Variants in ACOXL observed in about 807,000 individuals in gnomAD.
ACOXL encodes the protein acyl-coenzyme A oxidase-like protein.
A neutral mutation model predicts 71.9 loss-of-function variants in ACOXL; 70 were observed. That is an observed-to-expected ratio of 0.97 (90% confidence interval 0.80 to 1.19). The LOEUF (loss-of-function observed/expected upper bound fraction) is 1.19. Among genes scored for constraint, ACOXL ranks in the 50% most tolerant of loss-of-function variants. ACOXL has a pLI of 0.00. For synonymous variants in ACOXL, 253 were observed against 281.6 expected (o/e 0.90, Z 1.02); for missense variants, 703 against 736.3 (o/e 0.95, Z 0.52).
chr2:110,979,312 G>A (rs2062601104), intron 12 of ACOXL, among the ~76,000 whole-genome samples: 1 of 152,124 alleles, frequency 6.6e-6, no homozygotes, highest in South Asian at 2.1e-4. Context: ...TCTGTCCAGC[G>A]TCCAGTTCCA....
At chr2:111,054,743 C>A (rs1461101372) in intron 16 of ACOXL, among the ~76,000 whole-genome samples, 2 of 152,180 alleles carry the variant, frequency 1.3e-5, no homozygotes, top group Non-Finnish European at 2.9e-5. Context: ...ACATTTGAAT[C>A]CTCCTGGCAA....
At chr2:111,044,707 G>T (rs1457864250) in intron 15 of ACOXL, among the ~76,000 whole-genome samples, 1 of 152,144 alleles carries the variant, frequency 6.6e-6, no homozygotes, top group East Asian at 1.9e-4. Context: ...ATATTATAAT[G>T]AAATTTATTC....
chr2:111,062,596 A>G (rs888277324), intron 16 of ACOXL, among the ~76,000 whole-genome samples: 5 of 152,142 alleles, frequency 3.3e-5, no homozygotes, highest in Non-Finnish European at 5.9e-5. Flanking sequence ...TAAAAACCTC[A>G]AAAGAAATAA....
At chr2:110,848,716 C>T (rs1045904307) in intron 10 of ACOXL, among the ~76,000 whole-genome samples, 5 of 152,130 alleles carry the variant, frequency 3.3e-5, no homozygotes, top group Admixed American at 6.5e-5. Flanking sequence ...CTGCTCTGAC[C>T]ACGTGACCAT....
chr2:111,002,396 AT>A (rs2149624279), intron 14 of ACOXL, among the ~76,000 whole-genome samples: 1 of 152,372 alleles, frequency 6.6e-6, no homozygotes, highest in South Asian at 2.1e-4. Flanking sequence ...GAAGCAAAAT[AT>A]AAAGAGGAAT....
chr2:110,975,899 G>A (rs1432789522), intron 12 of ACOXL, among the ~76,000 whole-genome samples: 1 of 152,020 alleles, frequency 6.6e-6, no homozygotes, highest in East Asian at 1.9e-4. Context: ...GGGGGAGTAG[G>A]ATTAAAGGGA....
rs1377963225 is a variant in ACOXL, at chr2:110,784,762, A to G, written c.106A>G (p.Ser36Gly). ...AEKTKNFVSR[S>G]LVIGEVLSMA... ...GAAAACAAAGAATTTTGTCAGCCGAAGCCTTGTCATAGGAGAAGTCCTCTC... is the reference window on the plus strand; with the variant it reads ...GAAAACAAAGAATTTTGTCAGCCGAGGCCTTGTCATAGGAGAAGTCCTCTC... The change falls in exon 3 of 18, where the codon AGC becomes GGC. Residue 36 changes from serine to glycine, a missense_variant. Coordinates refer to ENST00000439055, the MANE Select transcript of ACOXL (RefSeq NM_001142807.4). 5 of 1,608,968 alleles carry G rather than the reference A, an allele frequency of 3.1e-6. No homozygotes were observed. The highest frequency in any genetic ancestry group is 4.2e-6 in the Non-Finnish European group (5 of 1,177,998).
intron 1 of ACOXL, among the ~76,000 whole-genome samples, chr2:110,749,200 C>T (rs1678611529): frequency 1.3e-5 from 2 of 152,222 alleles, no homozygotes; most frequent in Non-Finnish European, 2.9e-5. Flanking sequence ...AAACCATGCA[C>T]AAAGACTGTT....
At chr2:110,973,064 G>A (rs1376081702) in intron 12 of ACOXL, among the ~76,000 whole-genome samples, 4 of 152,338 alleles carry the variant, frequency 2.6e-5, no homozygotes, top group South Asian at 4.1e-4. Flanking sequence ...GCAGTCTCAG[G>A]CCTTTCATGT....
chr2:110,747,669 C>T (rs1226448950), intron 1 of ACOXL, among the ~76,000 whole-genome samples: 1 of 152,212 alleles, frequency 6.6e-6, no homozygotes, highest in East Asian at 1.9e-4. Context: ...AGTGACCTAC[C>T]TCAGAATCCT....
At chr2:110,943,209 GGAA>G (rs1244032539) in intron 12 of ACOXL, among the ~76,000 whole-genome samples, 271 of 136,454 alleles carry the variant, frequency 2.0e-3, no homozygotes, top group African/African-American at 7.2e-3. Flanking sequence ...AGAAAGGAAA[GGAA>G]GAAGGAAGGA....
chr2:110,791,576 C>T (rs980206848), intron 3 of ACOXL, among the ~76,000 whole-genome samples: 3 of 152,202 alleles, frequency 2.0e-5, no homozygotes, highest in Non-Finnish European at 2.9e-5. Flanking sequence ...GCAGTGCCTG[C>T]GATGATTCTG....
intron 10 of ACOXL, among the ~76,000 whole-genome samples, chr2:110,904,107 C>G (rs900556): frequency 0.3 from 45,373 of 152,100 alleles, 7,356 homozygotes; most frequent in Middle Eastern, 0.37. Context: ...ACTCCCTGCT[C>G]AGTGCTTGGG....
intron 10 of ACOXL, among the ~76,000 whole-genome samples, chr2:110,880,135 G>A (rs1392592699): frequency 7.5e-6 from 1 of 133,142 alleles, no homozygotes; most frequent in African/African-American, 2.9e-5. Context: ...GGGCGACAGA[G>A]TGAGACTCTG....
At chr2:111,106,104 G>A (rs906080298) in intron 17 of ACOXL, among the ~76,000 whole-genome samples, 7 of 152,060 alleles carry the variant, frequency 4.6e-5, no homozygotes, top group African/African-American at 1.4e-4. Flanking sequence ...TTTCTGCCCA[G>A]CCCACTTCCT....
At chr2:111,018,148 G>A (rs980358676) in intron 14 of ACOXL, 8 of 152,260 alleles carry the variant, frequency 5.3e-5, no homozygotes, top group Non-Finnish European at 1.2e-4. Context: ...GTTCTGAGGT[G>A]TGAGGATGAC....
chr2:110,762,010 T>C (rs756387035), intron 1 of ACOXL, among the ~76,000 whole-genome samples: 13 of 152,224 alleles, frequency 8.5e-5, no homozygotes, highest in Non-Finnish European at 1.9e-4. Context: ...GTTTTACATA[T>C]TTGAGGCTTT....
At chr2:110,990,303 G>T (rs1056330055) in intron 13 of ACOXL, among the ~76,000 whole-genome samples, 1 of 151,796 alleles carries the variant, frequency 6.6e-6, no homozygotes, top group Non-Finnish European at 1.5e-5. Flanking sequence ...TAATTTTGTT[G>T]TTAAAAGAAT....
chr2:110,826,763 T>C (rs1193536807), intron 9 of ACOXL, among the ~76,000 whole-genome samples: 1 of 145,286 alleles, frequency 6.9e-6, no homozygotes, highest in African/African-American at 2.9e-5. Context: ...TTTTTTTTTT[T>C]TTTTCCTTTT....
Sources: gnomAD v4.1 joint callset for allele counts (sites outside exome capture counted in the v4.1 genomes callset) on GRCh38, gnomAD v4.1.1 for gene constraint, MANE v1.5 for transcripts, NCBI Gene and HGNC (gene_info 2026-07-23, HGNC 2026-07-21) for gene names.